The following ZNF738 variants were observed in gnomAD, a reference collection of about 807,000 sequenced individuals.
ZNF738 encodes the protein zinc finger protein 738.
Under a neutral mutation model 9.2 loss-of-function variants are expected in ZNF738, and 10 were observed. That is an observed-to-expected ratio of 1.09 (90% CI 0.67 to 1.85). ZNF738 has a LOEUF of 1.85. Ranked by LOEUF, ZNF738 falls within the 40% of genes most tolerant of loss-of-function variation. ZNF738 has a pLI of 0.00. For synonymous variants in ZNF738, 113 were observed against 94.5 expected, an observed-to-expected ratio of 1.20 and a Z score of -1.14; for missense variants, 346 against 283.6, an observed-to-expected ratio of 1.22 and a Z score of -1.58.
intron 4 of ZNF738, chr19:21,381,268 GTTATTGA>G: frequency 2.5e-6 from 4 of 1,591,566 alleles, no homozygotes; most frequent in Non-Finnish European, 2.6e-6. Context: ...TGATGTTTGG[GTTATTGA>G]ACACAAACTC....
chr19:21,382,724 A>G (rs545655874), intron 4 of ZNF738, 142 bp from the exon 5 acceptor site: 1 of 180,434 alleles, frequency 5.5e-6, no homozygotes, highest in East Asian at 1.6e-4. Context: ...TTACATATAT[A>G]TGTCTATAAA....
intron 2 of ZNF738, chr19:21,372,480 G>A (rs1430583987): frequency 2.0e-5 from 3 of 152,114 alleles, no homozygotes; most frequent in African/African-American, 7.2e-5. Context: ...GCTGCTCACA[G>A]TATCCTGAAA....
At chr19:21,362,724 T>C (rs1019097793) in intron 2 of ZNF738, among the ~76,000 whole-genome samples, 17 of 152,204 alleles carry the variant, frequency 1.1e-4, no homozygotes, top group African/African-American at 4.1e-4. Flanking sequence ...ATATATTTCA[T>C]TTGTTAAAAA....
intron 4 of ZNF738, among the ~76,000 whole-genome samples, chr19:21,379,713 A>G (rs1429129412): frequency 6.6e-6 from 1 of 151,808 alleles, no homozygotes; most frequent in African/African-American, 2.4e-5. Context: ...TTTTTTTTTT[A>G]AGGCCACATT....
Position 21,383,690 on chromosome 19 carries a change from A to G in ZNF738, c.*16A>G. 1.0e-6 allele frequency: 1 copy of G among 972,038 alleles called. No individual in the cohort carries two copies. 60.2% of individuals were successfully genotyped at this position (972,038 alleles called of 1,614,324 possible). On this transcript the variant is annotated 3_prime_UTR_variant, in exon 5 of 5. Coordinates refer to ENST00000683779, the MANE Select transcript of ZNF738 (RefSeq NM_001355237.2). The stretch of plus-strand genomic sequence containing the variant: ...ATGTGAATAATGTGGCAAAGCCTTT[A>G]ATGTATTCGCAACCCTTACTAGACA...
At chr19:21,378,795 C>T (rs1973970676) in intron 4 of ZNF738, 1 of 220,528 alleles carries the variant, frequency 4.5e-6, no homozygotes, top group South Asian at 4.5e-5. Flanking sequence ...GACAGGGTTT[C>T]TCCATGTTGG....
chr19:21,365,700 T>C (rs1276410348), intron 2 of ZNF738, among the ~76,000 whole-genome samples: 1 of 152,168 alleles, frequency 6.6e-6, no homozygotes, highest in African/African-American at 2.4e-5. Context: ...CTCATGCCTG[T>C]AATCCAAGCA....
At position 21,383,013 on chromosome 19, in the gene ZNF738, TG is replaced by T. The variant is rs1974023503; in HGVS notation, c.468del (p.Gln157LysfsTer8). On this transcript the variant is annotated frameshift_variant, in exon 5 of 5. Transcript: ENST00000683779. LOFTEE classifies it low-confidence loss of function (END_TRUNC). ...KGCKSVNECNVQKEGYNELKE... is the reference protein window; with the variant it reads ...KGCKSVNECNXQKEGYNELKE... ...TGTAAAAGTGTGAATGAGTGTAATG[TG>T]CAAAAAGAAGGTTATAATGAACTAA... is the stretch of plus-strand genomic sequence containing the variant. 6.5e-6 allele frequency: 5 copies of T among 765,124 alleles called. No individual in the cohort carries two copies. The highest frequency in any genetic ancestry group is 1.2e-5 in the Non-Finnish European group (5 of 425,892). 47.4% of individuals were successfully genotyped at this position (765,124 alleles called of 1,614,324 possible).
At position 21,387,870 on chromosome 19, in the gene ZNF738, C is replaced by T. The variant is rs1167135648; in HGVS notation, c.*4196C>T. ...CTGAAGCAGTTGCTCAAGCTTTGTT[C>T]AACATTAGGGCACTTATATTGGAAA... On this transcript the variant is annotated 3_prime_UTR_variant, in exon 5 of 5. Transcript: ENST00000683779. Among the ~76,000 whole-genome samples, 1 of 152,098 alleles carries T rather than the reference C, an allele frequency of 6.6e-6. No individual in the cohort carries two copies. The highest frequency in any genetic ancestry group is 6.6e-5 in the Admixed American group (1 of 15,264).
At chr19:21,374,168 G>A (rs1973895529) in intron 2 of ZNF738, among the ~76,000 whole-genome samples, 1 of 152,006 alleles carries the variant, frequency 6.6e-6, no homozygotes, top group Non-Finnish European at 1.5e-5. Flanking sequence ...TTTCATATGT[G>A]TTCTTCATTA....
At chr19:21,376,017 A>G in intron 4 of ZNF738, 53 bp downstream of exon 4, 28 of 208,462 alleles carry the variant, frequency 1.3e-4, no homozygotes, top group Admixed American at 3.9e-4. Context: ...GGAAGATTAC[A>G]AAAAAAAAAA....
At chr19:21,361,032 A>G (rs1157088609) in intron 1 of ZNF738, among the ~76,000 whole-genome samples, 1 of 145,024 alleles carries the variant, frequency 6.9e-6, no homozygotes, top group Admixed American at 6.9e-5. Flanking sequence ...CAGGCTGGTC[A>G]TGAACTCCCG....
chr19:21,384,318 G>A lies in ZNF738; in HGVS notation c.*644G>A, dbSNP rs1343454873. ...TACTAAACATAAGATAATTCATACT[G>A]GAGAGAGACCCTACAAGTGTGAAGA... On this transcript the variant is annotated 3_prime_UTR_variant, in exon 5 of 5. Coordinates refer to ENST00000683779, the MANE Select transcript of ZNF738 (RefSeq NM_001355237.2). Among the ~76,000 whole-genome samples the A allele has an allele frequency of 1.3e-5, 2 of 152,006 alleles. No homozygotes were observed. The highest frequency in any genetic ancestry group is 2.9e-5 in the Non-Finnish European group (2 of 67,996).
chr19:21,375,894 G>A lies in ZNF738; in HGVS notation c.249G>A (p.Leu83=), dbSNP rs748393655. 2 of 795,832 alleles carry A rather than the reference G, an allele frequency of 2.5e-6. No homozygotes were observed. Among genetic ancestry groups the A allele is most frequent in the South Asian group, 2.7e-5 (2 of 73,970 alleles). 49.3% of individuals were successfully genotyped at this position (795,832 alleles called of 1,614,324 possible). A position where few individuals can be genotyped will look rare whatever the true frequency, so the allele number is the denominator to read the frequency against. Residue 83 remains leucine, a synonymous_variant, in exon 4 of 5, where the codon CTG becomes CTA. Transcript: ENST00000683779. ...FLGIDVSKPD[L]ITCLEQGKDP... ...GTATTGATGTCTCTAAGCCAGATCT[G>A]ATCACCTGTCTGGAGCAAGGAAAAG...
At position 21,375,223 on chromosome 19, in the gene ZNF738, G is replaced by GTA. The variant is rs386388727; in HGVS notation, c.97-14_97-13insAT. ...TGGACACTTGTAAATATGTGTGTGTGTGTGTGTTTTTCAGGGGCCGTTGAC... is the reference window on the plus strand; with the variant it reads ...TGGACACTTGTAAATATGTGTGTGTGTATGTGTGTTTTTCAGGGGCCGTTGAC... On this transcript the variant is annotated splice_polypyrimidine_tract_variant and intron_variant, in intron 2 of 4. Coordinates refer to ENST00000683779, the MANE Select transcript of ZNF738 (RefSeq NM_001355237.2). The GTA allele has an allele frequency of 4.6e-6, 5 of 1,087,890 alleles. No individual in the cohort carries two copies. Among genetic ancestry groups the GTA allele is most frequent in the Non-Finnish European group, 7.0e-6 (5 of 715,340 alleles). The allele number at this position is 1,087,890 out of a possible 1,614,324, so 67.4% of individuals were successfully genotyped here.
chr19:21,373,945 C>T (rs1393764156), intron 2 of ZNF738, among the ~76,000 whole-genome samples: 2 of 152,112 alleles, frequency 1.3e-5, no homozygotes, highest in African/African-American at 2.4e-5. Flanking sequence ...TCAAGGGTCT[C>T]TGCAAAGTAT....
In ZNF738 at chr19:21,359,062, A is replaced by G. The variant is rs908701631; in HGVS notation, c.-79A>G. The G allele has an allele frequency of 1.1e-4, 99 of 882,042 alleles. 1 individual carries two copies. In the South Asian group the frequency reaches 1.3e-3, roughly 11 times the overall value. 54.6% of individuals were successfully genotyped at this position (882,042 alleles called of 1,614,324 possible). A position where few individuals can be genotyped will look rare whatever the true frequency, so the allele number is the denominator to read the frequency against. On this transcript the variant is annotated 5_prime_UTR_variant, in exon 1 of 5. Transcript: ENST00000683779. Reference sequence around the variant, plus strand: ...ACTGCTCTGTGTCCTCTGCTCCTAGAGGCCCAGCCTCTGGTCCTGTGACCT... The same window carrying G: ...ACTGCTCTGTGTCCTCTGCTCCTAGGGGCCCAGCCTCTGGTCCTGTGACCT...
At chr19:21,360,897 C>T (rs986562914) in intron 1 of ZNF738, among the ~76,000 whole-genome samples, 6 of 151,312 alleles carry the variant, frequency 4.0e-5, no homozygotes, top group Non-Finnish European at 8.8e-5. Context: ...CTCACCACAA[C>T]CTCCGCCTCC....
At chr19:21,375,485 A>C in intron 3 of ZNF738, 121 bp downstream of exon 3, 1 of 533,638 alleles carries the variant, frequency 1.9e-6, no homozygotes, top group Non-Finnish European at 3.4e-6. Flanking sequence ...CCTGTTTTCA[A>C]AAAATTGCGA....
Sources: allele counts gnomAD v4.1 joint callset (sites outside exome capture counted in the v4.1 genomes callset), GRCh38; gene constraint gnomAD v4.1.1; transcripts MANE v1.5; gene names NCBI Gene and HGNC (gene_info 2026-07-23, HGNC 2026-07-21).